BICC1: variants seen among roughly 807,000 people sequenced by gnomAD.
BICC1 encodes the protein BicC family RNA binding protein 1.
A neutral mutation model predicts 111.0 loss-of-function variants in BICC1; 43 were observed. The observed-to-expected ratio is 0.39, with a 90% CI of 0.30 to 0.50. The LOEUF (loss-of-function observed/expected upper bound fraction) is 0.50. Among genes scored for constraint, BICC1 ranks in the 20% least tolerant of loss-of-function variants. The probability of loss-of-function intolerance (pLI) is 0.88; values close to 1 mark genes in which losing one functional copy is unlikely to be tolerated. For missense variants in BICC1, 1,091 were observed against 1,203.2 expected, an observed-to-expected ratio of 0.91 and a Z score of 1.38; for synonymous variants, 467 against 434.4, an observed-to-expected ratio of 1.07 and a Z score of -0.93.
At chr10:58,583,607 T>C (rs1266390989) in intron 1 of BICC1, among the ~76,000 whole-genome samples, 1 of 152,050 alleles carries the variant, frequency 6.6e-6, no homozygotes, top group East Asian at 1.9e-4. Flanking sequence ...TGTGTGTGTG[T>C]GTGTGTGTGT....
intron 20 of BICC1, among the ~76,000 whole-genome samples, chr10:58,824,532 G>A (rs568513969): frequency 1.3e-5 from 2 of 152,222 alleles, no homozygotes; most frequent in East Asian, 3.9e-4. Context: ...CCAGAACTTG[G>A]CCATAGGAGT....
chr10:58,654,111 T>C (rs1222592148), intron 2 of BICC1, among the ~76,000 whole-genome samples: 2 of 131,792 alleles, frequency 1.5e-5, no homozygotes, highest in South Asian at 2.8e-4. Context: ...TTCCAAGTCT[T>C]TGCTATTGTG....
chr10:58,769,400 G>GTATATATA (rs1202556984), intron 3 of BICC1, among the ~76,000 whole-genome samples: 62 of 106,592 alleles, frequency 5.8e-4, no homozygotes, highest in East Asian at 1.1e-3. Context: ...GTGTGTGTGT[G>GTATATATA]TGTGTATATA....
intron 3 of BICC1, among the ~76,000 whole-genome samples, chr10:58,775,742 G>A (rs962848175): frequency 2.6e-5 from 4 of 152,162 alleles, no homozygotes; most frequent in Admixed American, 6.5e-5. Flanking sequence ...ATTAACAGCT[G>A]TTGTTAAGCT....
At chr10:58,512,632 T>A (rs192240443), upstream of BICC1, among the ~76,000 whole-genome samples, 8 of 152,170 alleles carry the variant, frequency 5.3e-5, no homozygotes, top group East Asian at 1.5e-3. Flanking sequence ...TTCAGGAGTG[T>A]GTGTGTTTGA....
At chr10:58,717,808 C>A (rs564678110) in intron 3 of BICC1, among the ~76,000 whole-genome samples, 36 of 152,076 alleles carry the variant, frequency 2.4e-4, no homozygotes, top group Non-Finnish European at 4.9e-4. Flanking sequence ...AGGATTGTCA[C>A]CTTGTCCTTC....
In BICC1 at chr10:58,798,576, G is replaced by C; in HGVS notation, c.1528+16G>C. On this transcript the variant is annotated intron_variant, in intron 11 of 20. Coordinates refer to ENST00000373886, the MANE Select transcript of BICC1 (RefSeq NM_001080512.3). ...AGTGCCACAGGTCAGTATCATTTAAGTATATTCCAAGTTGTGTATTCTTAG... is the reference window on the plus strand; with the variant it reads ...AGTGCCACAGGTCAGTATCATTTAACTATATTCCAAGTTGTGTATTCTTAG... 1 of 1,565,970 alleles carries C rather than the reference G, an allele frequency of 6.4e-7. No homozygotes were observed. Among genetic ancestry groups the C allele is most frequent in the Non-Finnish European group, 8.6e-7 (1 of 1,160,852 alleles).
intron 2 of BICC1, chr10:58,650,984 T>C (rs1838428792): frequency 6.7e-6 from 1 of 150,202 alleles, no homozygotes; most frequent in African/African-American, 2.4e-5. Flanking sequence ...GTTTGTGGAA[T>C]CATGCTTTTT....
chr10:58,596,924 A>G (rs1467476276), intron 1 of BICC1, among the ~76,000 whole-genome samples: 1 of 152,184 alleles, frequency 6.6e-6, no homozygotes, highest in East Asian at 1.9e-4. Flanking sequence ...AAATGGAAAA[A>G]CATTCCATGC....
chr10:58,718,849 A>G (rs1279518352), intron 3 of BICC1, among the ~76,000 whole-genome samples: 2 of 151,966 alleles, frequency 1.3e-5, no homozygotes, highest in East Asian at 3.9e-4. Context: ...TATGAGAATT[A>G]CTTACTGTAT....
At chr10:58,514,982 T>A (rs770036676) in intron 1 of BICC1, among the ~76,000 whole-genome samples, 2 of 152,238 alleles carry the variant, frequency 1.3e-5, no homozygotes, top group Non-Finnish European at 2.9e-5. Context: ...GAAAGAATGA[T>A]CTGTTTCACC....
At position 58,800,275 on chromosome 10, in the gene BICC1, A is replaced by G. The variant is rs756212737; in HGVS notation, c.1807A>G (p.Ile603Val). 1 of 1,613,766 alleles carries G rather than the reference A, an allele frequency of 6.2e-7. No homozygotes were observed. Among genetic ancestry groups the G allele is most frequent in the South Asian group, 1.1e-5 (1 of 91,034 alleles). ...VLSANHGDPSIQTSGSEQTSP... is the reference protein window; with the variant it reads ...VLSANHGDPSVQTSGSEQTSP... ...GAGTGCAAATCACGGGGATCCGTCC[A>G]TCCAGACAAGTGGGTCTGAGCAGAC... Residue 603 changes from isoleucine to valine, a missense_variant, in exon 13 of 21, where the codon ATC becomes GTC. Physicochemically the swap from Ile to Val is conservative, Grantham distance 29. This residue lies in a region of BICC1 where 843 missense variants were observed against 900.8 expected (regional missense o/e 0.94). Coordinates refer to ENST00000373886, the MANE Select transcript of BICC1 (RefSeq NM_001080512.3).
At position 58,687,847 on chromosome 10, in the gene BICC1, G is replaced by A. The variant is rs115888515; in HGVS notation, c.238-14227G>A. Reference sequence around the variant, plus strand: ...GTGAGGCAATGCCCCACTCTGGTCCGTGGGCTGCACCCACTGTCCGACAAG... The same window carrying A: ...GTGAGGCAATGCCCCACTCTGGTCCATGGGCTGCACCCACTGTCCGACAAG... On this transcript the variant is annotated intron_variant, in intron 2 of 20. Coordinates refer to ENST00000373886, the MANE Select transcript of BICC1 (RefSeq NM_001080512.3). Among the ~76,000 whole-genome samples the A allele has an allele frequency of 6.8e-3, 1,028 of 152,190 alleles. 11 individuals carry two copies. Among genetic ancestry groups the A allele is most frequent in the African/African-American group, 0.024 (988 of 41,546 alleles).
chr10:58,652,784 T>TAA (rs1838491099), intron 2 of BICC1, among the ~76,000 whole-genome samples: 2 of 152,158 alleles, frequency 1.3e-5, no homozygotes, highest in African/African-American at 4.8e-5. Flanking sequence ...GGCTTCTTTT[T>TAA]ACTTATTTTA....
intron 3 of BICC1, among the ~76,000 whole-genome samples, chr10:58,753,500 A>G (rs901301784): frequency 3.3e-5 from 5 of 152,122 alleles, no homozygotes; most frequent in Admixed American, 1.3e-4. Flanking sequence ...CCTTTGATCC[A>G]TCTGGAATAT....
intron 3 of BICC1, among the ~76,000 whole-genome samples, chr10:58,776,569 C>T (rs1160702519): frequency 3.3e-5 from 5 of 152,164 alleles, no homozygotes; most frequent in Non-Finnish European, 7.3e-5. Context: ...ACTGGGATGC[C>T]ATTGCCATTG....
intron 1 of BICC1, among the ~76,000 whole-genome samples, chr10:58,517,285 C>T (rs779328613): frequency 9.9e-5 from 15 of 152,118 alleles, no homozygotes; most frequent in Non-Finnish European, 1.8e-4. Context: ...AACCATGTTG[C>T]ATTTTTGCAG....
intron 1 of BICC1, 143 bp from the exon 2 acceptor site, chr10:58,620,712 G>T: frequency 1.5e-6 from 1 of 648,288 alleles, no homozygotes; most frequent in Non-Finnish European, 2.7e-6. Flanking sequence ...TTGCATCCCA[G>T]TGAGGCATAT....
intron 1 of BICC1, among the ~76,000 whole-genome samples, chr10:58,592,735 G>C (rs897447272): frequency 1.3e-5 from 2 of 150,856 alleles, no homozygotes; most frequent in African/African-American, 4.9e-5. Context: ...AAAATAGCTG[G>C]GCCTGTTGGC....
Sources: gnomAD v4.1 joint callset for allele counts (sites outside exome capture counted in the v4.1 genomes callset) on GRCh38, gnomAD v4.1.1 for gene constraint, gnomAD v4.1.1 regional missense constraint, MANE v1.5 for transcripts, NCBI Gene and HGNC (gene_info 2026-07-23, HGNC 2026-07-21) for gene names.